PHF21A: variants seen among roughly 807,000 people sequenced by gnomAD.
PHF21A encodes the protein BHC80a.
PHF21A carries 11 observed loss-of-function variants against 82.5 expected under a neutral mutation model. The observed-to-expected ratio is 0.13, with a 90% CI of 0.08 to 0.22. The LOEUF (loss-of-function observed/expected upper bound fraction) is 0.22. Ranked by LOEUF, PHF21A falls within the 10% of genes least tolerant of loss-of-function variation. PHF21A has a pLI of 1.00. For missense variants in PHF21A, 579 were observed against 837.8 expected, an observed-to-expected ratio of 0.69 and a Z score of 3.81; for synonymous variants, 297 against 302.8, an observed-to-expected ratio of 0.98 and a Z score of 0.20.
chr11:45,953,972 C>T (rs2092406046), intron 10 of PHF21A, among the ~76,000 whole-genome samples: 1 of 152,120 alleles, frequency 6.6e-6, no homozygotes, highest in Non-Finnish European at 1.5e-5. Flanking sequence ...GGGATAGTTG[C>T]CCAGAAGCAA....
At chr11:45,989,123 G>A (rs143532389) in intron 6 of PHF21A, among the ~76,000 whole-genome samples, 32 of 152,236 alleles carry the variant, frequency 2.1e-4, no homozygotes, top group African/African-American at 7.0e-4. Flanking sequence ...TTAACTTCAT[G>A]GAATTGGCTC....
At chr11:46,093,776 C>T (rs1475104431) in intron 1 of PHF21A, among the ~76,000 whole-genome samples, 1 of 152,134 alleles carries the variant, frequency 6.6e-6, no homozygotes, top group Non-Finnish European at 1.5e-5. Flanking sequence ...CTTATCTTCC[C>T]TATTAGGGCT....
At chr11:46,078,100 T>A (rs2096748707) in intron 5 of PHF21A, among the ~76,000 whole-genome samples, 1 of 151,914 alleles carries the variant, frequency 6.6e-6, no homozygotes, top group Non-Finnish European at 1.5e-5. Flanking sequence ...TAAATCCAAT[T>A]TAAATTGTGA....
chr11:45,948,318 T>C (rs1327781823), intron 14 of PHF21A, among the ~76,000 whole-genome samples: 2 of 152,216 alleles, frequency 1.3e-5, no homozygotes, highest in African/African-American at 2.4e-5. Flanking sequence ...AAATATGGGA[T>C]TGGAGCTCTT....
intron 10 of PHF21A, among the ~76,000 whole-genome samples, chr11:45,963,382 T>G (rs921534638): frequency 2.0e-5 from 3 of 146,676 alleles, no homozygotes; most frequent in Non-Finnish European, 4.5e-5. Flanking sequence ...ATCCCACCAT[T>G]GCACTCCAGC....
At chr11:46,061,985 C>T (rs2096540335) in intron 6 of PHF21A, among the ~76,000 whole-genome samples, 1 of 152,116 alleles carries the variant, frequency 6.6e-6, no homozygotes, top group Non-Finnish European at 1.5e-5. Context: ...CACTGCTTTT[C>T]AGAATTTGTA....
chr11:46,043,164 A>T (rs1216031677), intron 6 of PHF21A, among the ~76,000 whole-genome samples: 1 of 152,196 alleles, frequency 6.6e-6, no homozygotes, highest in Non-Finnish European at 1.5e-5. Flanking sequence ...TAAGAAATTC[A>T]ATCAATGTAA....
intron 6 of PHF21A, 21 bp downstream of exon 6, chr11:46,076,733 C>A (rs747186526): frequency 6.3e-7 from 1 of 1,588,566 alleles, no homozygotes; most frequent in Non-Finnish European, 8.6e-7. Context: ...AAAAATATGC[C>A]CCCCTCCCCT....
chr11:45,949,579 G>C (rs557661865), intron 12 of PHF21A, 98 bp from the exon 13 acceptor site: 2 of 1,013,022 alleles, frequency 2.0e-6, no homozygotes, highest in East Asian at 4.8e-5. Context: ...TAAGAAATCA[G>C]AATCAGGGAC....
chr11:45,968,801 A>G (rs1341191230), intron 9 of PHF21A, among the ~76,000 whole-genome samples: 1 of 151,908 alleles, frequency 6.6e-6, no homozygotes, highest in East Asian at 1.9e-4. Flanking sequence ...GTGGTGGCAC[A>G]TGCATGTAAT....
At chr11:46,004,318 GTGT>G (rs2095237935) in intron 6 of PHF21A, among the ~76,000 whole-genome samples, 1 of 152,090 alleles carries the variant, frequency 6.6e-6, no homozygotes, top group African/African-American at 2.4e-5. Context: ...ATCACAGATG[GTGT>G]TTTCTATATA....
intron 18 of PHF21A, chr11:45,935,060 C>A: frequency 8.1e-7 from 1 of 1,232,182 alleles, no homozygotes; most frequent in Non-Finnish European, 1.1e-6. Context: ...AAGCCTCTGT[C>A]CCCCTGCTGC....
chr11:46,038,364 G>C (rs2096060532), intron 6 of PHF21A, among the ~76,000 whole-genome samples: 1 of 152,068 alleles, frequency 6.6e-6, no homozygotes, highest in Non-Finnish European at 1.5e-5. Context: ...CTGACCTCAA[G>C]TGATCCACCC....
intron 6 of PHF21A, among the ~76,000 whole-genome samples, chr11:45,983,961 AC>A (rs1261786634): frequency 1.3e-5 from 2 of 152,320 alleles, no homozygotes; most frequent in African/African-American, 4.8e-5. Context: ...AGACGTCATG[AC>A]TGCTGCTGGT....
At chr11:46,007,513 C>T (rs1318913217) in intron 6 of PHF21A, among the ~76,000 whole-genome samples, 1 of 152,070 alleles carries the variant, frequency 6.6e-6, no homozygotes, top group Non-Finnish European at 1.5e-5. Flanking sequence ...GGGGTTTCAC[C>T]CTGTTGCCCA....
chr11:46,010,780 G>GT (rs1193785892), intron 6 of PHF21A, among the ~76,000 whole-genome samples: 1 of 152,138 alleles, frequency 6.6e-6, no homozygotes, highest in Non-Finnish European at 1.5e-5. Context: ...GAAATTCACT[G>GT]TGTCTCTCCC....
chr11:46,000,514 T>C (rs1343108671), intron 6 of PHF21A, among the ~76,000 whole-genome samples: 1 of 146,454 alleles, frequency 6.8e-6, no homozygotes, highest in Non-Finnish European at 1.5e-5. Flanking sequence ...TTAAAGACTC[T>C]ATAACGTTTT....
At chr11:45,976,544 A>G (rs1236409641) in intron 7 of PHF21A, among the ~76,000 whole-genome samples, 1 of 152,220 alleles carries the variant, frequency 6.6e-6, no homozygotes, top group African/African-American at 2.4e-5. Context: ...GGTAGTACCA[A>G]TAAATAGGTT....
intron 5 of PHF21A, 126 bp from the exon 6 acceptor site, chr11:46,076,945 G>T (rs1472410976): frequency 2.8e-6 from 2 of 707,756 alleles, no homozygotes; most frequent in African/African-American, 1.7e-5. Flanking sequence ...AATCAAATCT[G>T]TCATGCATTA....
Sources: gnomAD v4.1 joint callset for allele counts (sites outside exome capture counted in the v4.1 genomes callset) on GRCh38, gnomAD v4.1.1 for gene constraint, MANE v1.5 for transcripts, NCBI Gene and HGNC (gene_info 2026-07-23, HGNC 2026-07-21) for gene names.